PDE1A: variants seen among roughly 807,000 people sequenced by gnomAD.
PDE1A encodes phosphodiesterase 1A, also known as dual specificity calcium/calmodulin-dependent 3',5'-cyclic nucleotide phosphodiesterase 1A.
A neutral mutation model predicts 61.7 loss-of-function variants in PDE1A; 35 were observed. The observed-to-expected ratio is 0.57, with a 90% CI of 0.43 to 0.75. The LOEUF is 0.75. PDE1A is among the 30% of genes least tolerant of loss of function. The pLI is 0.00. For synonymous variants in PDE1A, 232 were observed against 213.2 expected, an observed-to-expected ratio of 1.09 and a Z score of -0.77; for missense variants, 597 against 630.6, an observed-to-expected ratio of 0.95 and a Z score of 0.57.
chr2:182,230,159 A>T lies in PDE1A; in HGVS notation c.535-13T>A. 6.2e-7 allele frequency: 1 copy of T among 1,604,928 alleles called. No individual in the cohort carries two copies. Among genetic ancestry groups the T allele is most frequent in the Non-Finnish European group, 8.5e-7 (1 of 1,174,694 alleles). On this transcript the variant is annotated splice_polypyrimidine_tract_variant and intron_variant, in intron 5 of 13. Coordinates refer to ENST00000351439, the Ensembl canonical transcript of PDE1A. ...AAGAAACAGGAATCTGTGGAAAGTA[A>T]TAATTATAATTATATTTTGACCAAA...
chr2:182,701,237 G>T, the PDE1A span, among the ~76,000 whole-genome samples: 3 of 151,354 alleles, frequency 2.0e-5, no homozygotes, highest in East Asian at 2.0e-4. Context: ...GGGTTTCACC[G>T]TGTTAGCCAG....
chr2:182,682,643 G>T, the PDE1A span, among the ~76,000 whole-genome samples: 1 of 152,082 alleles, frequency 6.6e-6, no homozygotes, highest in Non-Finnish European at 1.5e-5. Flanking sequence ...GGAATAATTG[G>T]GCTGGTTTCA....
At chr2:182,524,916 C>T (rs1160640428), upstream of PDE1A, among the ~76,000 whole-genome samples, 1 of 151,552 alleles carries the variant, frequency 6.6e-6, no homozygotes, top group Non-Finnish European at 1.5e-5. Context: ...TCCTGTTTAC[C>T]TAATATTTTA....
the PDE1A span, among the ~76,000 whole-genome samples, chr2:182,689,776 C>T: frequency 3.9e-5 from 6 of 151,990 alleles, no homozygotes; most frequent in South Asian, 2.1e-4. Context: ...ATTGATAGAC[C>T]GCTAGCAAGA....
chr2:182,218,959 C>T (rs1002703558), intron 7 of PDE1A, among the ~76,000 whole-genome samples: 2 of 152,052 alleles, frequency 1.3e-5, no homozygotes, highest in African/African-American at 4.8e-5. Context: ...ACGTCTTATT[C>T]AGTCAGTGAA....
At chr2:182,546,886 C>T in the PDE1A span, among the ~76,000 whole-genome samples, 3 of 152,186 alleles carry the variant, frequency 2.0e-5, no homozygotes, top group Non-Finnish European at 4.4e-5. Flanking sequence ...AAAGAACTAC[C>T]GCTTAAAGGA....
At chr2:182,272,852 G>A (rs1240423909) in intron 1 of PDE1A, among the ~76,000 whole-genome samples, 1 of 152,076 alleles carries the variant, frequency 6.6e-6, no homozygotes, top group African/African-American at 2.4e-5. Context: ...AGTTGTATGA[G>A]ATAGGAAACA....
In PDE1A at chr2:182,246,393, T is replaced by C. The variant is rs564539108; in HGVS notation, c.168-6101A>G. Among the ~76,000 whole-genome samples, 147 of 106,954 alleles carry C rather than the reference T, an allele frequency of 1.4e-3. 3 individuals are homozygous for C. The highest frequency in any genetic ancestry group is 5.5e-3 in the African/African-American group (138 of 25,034). 70.2% of individuals were successfully genotyped at this position (106,954 alleles called of 152,430 possible). A position where few individuals can be genotyped will look rare whatever the true frequency, so the allele number is the denominator to read the frequency against. On this transcript the variant is annotated intron_variant, in intron 2 of 13. Transcript: ENST00000351439. The stretch of plus-strand genomic sequence containing the variant: ...CTTTTTATTCTACTATAGTCTTTTT[T>C]CTTTTTTCTTTCTTTTTTTTTTTTT...
At chr2:182,204,254 T>C (rs533318431) in intron 8 of PDE1A, among the ~76,000 whole-genome samples, 9 of 152,364 alleles carry the variant, frequency 5.9e-5, no homozygotes, top group African/African-American at 2.2e-4. Context: ...TCAGAACTTG[T>C]CTGCTTGTTC....
the PDE1A span, among the ~76,000 whole-genome samples, chr2:182,578,356 C>A: frequency 6.6e-6 from 1 of 152,062 alleles, no homozygotes; most frequent in Non-Finnish European, 1.5e-5. Flanking sequence ...GAGTTTCTTA[C>A]AAATTTTATT....
At chr2:182,286,340 GT>G (rs1009280625) in intron 1 of PDE1A, among the ~76,000 whole-genome samples, 7 of 151,694 alleles carry the variant, frequency 4.6e-5, no homozygotes, top group South Asian at 2.1e-4. Flanking sequence ...TTTCAATCAA[GT>G]TTTTTTTTAT....
chr2:182,558,246 A>T, the PDE1A span, among the ~76,000 whole-genome samples: 1 of 151,848 alleles, frequency 6.6e-6, no homozygotes, highest in Non-Finnish European at 1.5e-5. Flanking sequence ...TTTTTTTAAT[A>T]AGGCAAGTAC....
chr2:182,526,942 TTTTTTTCTTTTTTCAGGTATTGTA>T (rs567210572), upstream of PDE1A, among the ~76,000 whole-genome samples: 184 of 151,406 alleles, frequency 1.2e-3, 3 homozygotes, highest in South Asian at 0.016. Flanking sequence ...ATTAGTTACT[TTTTTTTCTTTTTTCAGGTATTGTA>T]ATTACCTAAT....
At chr2:182,234,081 T>G (rs1689805865) in intron 4 of PDE1A, among the ~76,000 whole-genome samples, 1 of 152,210 alleles carries the variant, frequency 6.6e-6, no homozygotes, top group African/African-American at 2.4e-5. Flanking sequence ...TGCATTTAAC[T>G]CTTCCATAAT....
At chr2:182,690,927 C>G in the PDE1A span, among the ~76,000 whole-genome samples, 1 of 152,126 alleles carries the variant, frequency 6.6e-6, no homozygotes, top group African/African-American at 2.4e-5. Context: ...CTCCCATTCA[C>G]AATTGCTTCA....
chr2:182,204,302 T>C (rs1286123101), intron 8 of PDE1A, among the ~76,000 whole-genome samples: 1 of 152,198 alleles, frequency 6.6e-6, no homozygotes, highest in African/African-American at 2.4e-5. Flanking sequence ...AGCCCAACAG[T>C]GGTCTCTTTA....
intron 1 of PDE1A, among the ~76,000 whole-genome samples, chr2:182,349,811 G>A (rs527414768): frequency 6.6e-6 from 1 of 152,014 alleles, no homozygotes; most frequent in African/African-American, 2.4e-5. Flanking sequence ...CGCAAACAGA[G>A]ATTAAAAGAA....
chr2:182,648,352 T>G, the PDE1A span, among the ~76,000 whole-genome samples: 21 of 151,578 alleles, frequency 1.4e-4, no homozygotes, highest in African/African-American at 5.1e-4. Flanking sequence ...GCCTCACAGT[T>G]TGTGGCAAGA....
chr2:182,579,680 T>C, the PDE1A span, among the ~76,000 whole-genome samples: 2 of 152,108 alleles, frequency 1.3e-5, no homozygotes, highest in East Asian at 3.9e-4. Context: ...GGATAACTGT[T>C]TTCCTGTTTT....
Sources: gnomAD v4.1 joint callset for allele counts (sites outside exome capture counted in the v4.1 genomes callset) on GRCh38, gnomAD v4.1.1 for gene constraint, MANE v1.5 for transcripts, NCBI Gene and HGNC (gene_info 2026-07-23, HGNC 2026-07-21) for gene names.